The following ADGRA2 variants were observed in gnomAD, a reference collection of about 807,000 sequenced individuals.
ADGRA2 encodes adhesion G protein-coupled receptor A2.
ADGRA2 carries 61 observed loss-of-function variants against 98.7 expected under a neutral mutation model. That is an observed-to-expected ratio of 0.62 (90% CI 0.50 to 0.76). The LOEUF (loss-of-function observed/expected upper bound fraction) is 0.76, where lower values mean the gene tolerates loss of function less well. Among genes scored for constraint, ADGRA2 ranks in the 30% least tolerant of loss-of-function variants. The probability of loss-of-function intolerance (pLI) is 0.00; values close to 1 mark genes in which losing one functional copy is unlikely to be tolerated. For synonymous variants in ADGRA2, 858 were observed against 831.5 expected, an observed-to-expected ratio of 1.03 and a Z score of -0.55; for missense variants, 1,712 against 1,860.0, an observed-to-expected ratio of 0.92 and a Z score of 1.46.
chr8:37,818,753 G>A lies in ADGRA2; in HGVS notation c.338+3786G>A, dbSNP rs539648876. Among the ~76,000 whole-genome samples the A allele has an allele frequency of 5.7e-4, 87 of 152,348 alleles. 2 individuals carry two copies. In the South Asian group the frequency reaches 0.017, roughly 30 times the overall value. On this transcript the variant is annotated intron_variant, in intron 2 of 18. Coordinates refer to ENST00000412232, the MANE Select transcript of ADGRA2 (RefSeq NM_032777.10). ...GACCCAGAAAATAGCAAATAGGTGT[G>A]TGGTGTGTCTGGAGGCCTAAGTGCA...
intron 2 of ADGRA2, among the ~76,000 whole-genome samples, chr8:37,827,700 C>G (rs540334789): frequency 6.6e-6 from 1 of 152,320 alleles, no homozygotes; most frequent in African/African-American, 2.4e-5. Context: ...GCTTCCTCAT[C>G]TGAAGGAGGA....
chr8:37,805,818 G>A lies in ADGRA2; in HGVS notation c.266+8284G>A, dbSNP rs547392602. Among the ~76,000 whole-genome samples, 18 of 151,980 alleles carry A rather than the reference G, an allele frequency of 1.2e-4. No homozygotes were observed. In the East Asian group the frequency reaches 1.4e-3, roughly 11 times the overall value. The stretch of plus-strand genomic sequence containing the variant: ...CGGGAGGTGGAGGTTGCAGTGAGCC[G>A]AGATCGTACCACTGCACTCTAGCCT... On this transcript the variant is annotated intron_variant, in intron 1 of 18. Coordinates refer to ENST00000412232, the MANE Select transcript of ADGRA2 (RefSeq NM_032777.10).
chr8:37,838,740 G>A (rs1186547963), intron 14 of ADGRA2, among the ~76,000 whole-genome samples: 1 of 152,128 alleles, frequency 6.6e-6, no homozygotes, highest in Non-Finnish European at 1.5e-5. Context: ...AGAGTCCTCA[G>A]CAAAGCAGGA....
At chr8:37,829,161 A>C (rs564707864) in intron 3 of ADGRA2, 100 bp from the exon 4 acceptor site, 18 of 895,176 alleles carry the variant, frequency 2.0e-5, no homozygotes, top group East Asian at 1.3e-4. Flanking sequence ...TTTTCATCCC[A>C]CCCCCCAACA....
rs1805910583 is a variant in ADGRA2, at chr8:37,844,456, C to G, written c.*2101C>G. 1 of 1,600,142 alleles carries G rather than the reference C, an allele frequency of 6.2e-7. No homozygotes were observed. The highest frequency in any genetic ancestry group is 1.7e-5 in the Admixed American group (1 of 59,492). On this transcript the variant is annotated 3_prime_UTR_variant, in exon 19 of 19. Transcript: ENST00000412232. ...TATAACAGGAATGTTATCAAGCTGT[C>G]AGAACAGGATGAAGTGCTCCCAGTG... is the stretch of plus-strand genomic sequence containing the variant.
Position 37,841,902 on chromosome 8 carries a change from G to C in ADGRA2, c.3564G>C (p.Lys1188Asn), listed in dbSNP as rs1274100052. ...GTCGGGCGCACAAGAGCCGGGCCAA[G>C]GGACACCGCGCGGGGGAGGCCTGCG... ...HGRRAHKSRA[K>N]GHRAGEACGK... Residue 1188 changes from lysine to asparagine, a missense_variant, in exon 19 of 19, where the codon AAG (lysine) becomes AAC (asparagine). Coordinates refer to ENST00000412232, the MANE Select transcript of ADGRA2 (RefSeq NM_032777.10). This position sits in a 1 kb window ranked among gnomAD's most constrained non-coding sequence, Gnocchi z 5.0. 23 of 1,532,504 alleles carry C rather than the reference G, an allele frequency of 1.5e-5. No homozygotes were observed. Among genetic ancestry groups the C allele is most frequent in the Non-Finnish European group, 1.9e-5 (22 of 1,146,154 alleles). 94.9% of individuals were successfully genotyped at this position (1,532,504 alleles called of 1,614,324 possible). A position where few individuals can be genotyped will look rare whatever the true frequency, so the allele number is the denominator to read the frequency against.
At chr8:37,812,158 GT>G (rs1563340230) in intron 1 of ADGRA2, among the ~76,000 whole-genome samples, 279 of 133,418 alleles carry the variant, frequency 2.1e-3, no homozygotes, top group South Asian at 4.1e-3. Context: ...CAATGGTGTT[GT>G]TGTTGTTGTT....
chr8:37,815,033 A>G (rs1804937877), intron 2 of ADGRA2, 66 bp downstream of exon 2: 10 of 1,075,230 alleles, frequency 9.3e-6, no homozygotes, highest in Non-Finnish European at 1.4e-5. Flanking sequence ...CACCCCGGGG[A>G]GGAGGAGGAA....
Position 37,841,712 on chromosome 8 carries a change from G to C in ADGRA2, c.3374G>C (p.Ser1125Thr), listed in dbSNP as rs1805801103. 6.5e-7 allele frequency: 1 copy of C among 1,541,702 alleles called. No homozygotes were observed. The highest frequency in any genetic ancestry group is 1.2e-5 in the South Asian group (1 of 83,608). The change falls in exon 19 of 19, where the codon AGC (serine) becomes ACC (threonine). Residue 1125 changes from serine to threonine, a missense_variant. Ser to Thr is a moderately conservative substitution (Grantham distance 58). Coordinates refer to ENST00000412232, the MANE Select transcript of ADGRA2 (RefSeq NM_032777.10). This position sits in a 1 kb window ranked among gnomAD's most constrained non-coding sequence, Gnocchi z 5.0. ...CTCAAGTCCTCCCCAAGCGGCAGCA[G>C]CGGCCATCCGCTGGCTCTGGGCCCC... is the stretch of plus-strand genomic sequence containing the variant. Reference protein sequence around the residue: ...PSLKSSPSGSSGHPLALGPCK... With the variant: ...PSLKSSPSGSTGHPLALGPCK...
At chr8:37,829,659 T>C (rs576391653) in intron 5 of ADGRA2, 100 bp downstream of exon 5, 2 of 1,005,272 alleles carry the variant, frequency 2.0e-6, no homozygotes, top group South Asian at 2.6e-5. Context: ...GTCTCACGAG[T>C]GGCCACAGCA....
At position 37,833,825 on chromosome 8, in the gene ADGRA2, C is replaced by T. The variant is rs1484630915; in HGVS notation, c.1434C>T (p.Asp478=). ...QMIQKFLGYV[D]QIKELVEVMV... is the part of the protein sequence containing the mutation. ...TCCAGAAATTTTTGGGTTATGTCGA[C>T]CAGATCAAAGAGGTGAGACTCAGCT... is the stretch of plus-strand genomic sequence containing the variant. Residue 478 remains aspartate (D), a synonymous_variant, in exon 10 of 19, where the codon GAC becomes GAT. Transcript: ENST00000412232. The T allele has an allele frequency of 1.2e-6, 2 of 1,614,168 alleles. 1 individual carries two copies. Among genetic ancestry groups the T allele is most frequent in the South Asian group, 2.2e-5 (2 of 91,082 alleles).
intron 1 of ADGRA2, among the ~76,000 whole-genome samples, chr8:37,813,820 CT>C (rs1450605233): frequency 2.6e-5 from 4 of 152,242 alleles, no homozygotes; most frequent in African/African-American, 9.6e-5. Context: ...CCCACTGCCC[CT>C]GGTCTGTTCA....
rs756247860 is a variant in ADGRA2 at position 37,830,893 on chromosome 8, G to A, written c.902G>A (p.Ser301Asn). ...DEQAGILLAESLIHDCTFITS... is the reference protein window; with the variant it reads ...DEQAGILLAENLIHDCTFITS... ...CAGGCGGGCATCCTCCTGGCCGAGA[G>A]CCTCATCCACGACTGCACCTTCATC... Residue 301 changes from serine to asparagine, a missense_variant, in exon 7 of 19, where the codon AGC becomes AAC. Physicochemically the swap from Ser to Asn is conservative, Grantham distance 46. Coordinates refer to ENST00000412232, the MANE Select transcript of ADGRA2 (RefSeq NM_032777.10). This position sits in a 1 kb window ranked among gnomAD's most constrained non-coding sequence, Gnocchi z 4.8. 1.9e-6 allele frequency: 3 copies of A among 1,586,440 alleles called. No homozygotes were observed. Among genetic ancestry groups the A allele is most frequent in the Non-Finnish European group, 2.6e-6 (3 of 1,166,152 alleles).
intron 8 of ADGRA2, among the ~76,000 whole-genome samples, chr8:37,832,251 C>T (rs1252099193): frequency 2.6e-5 from 4 of 152,178 alleles, no homozygotes; most frequent in South Asian, 2.1e-4. Flanking sequence ...TAGGGTTTCA[C>T]CATGTTGGCC....
chr8:37,806,548 A>G (rs1454114328), intron 1 of ADGRA2, among the ~76,000 whole-genome samples: 2 of 57,140 alleles, frequency 3.5e-5, no homozygotes, highest in African/African-American at 1.9e-4. Context: ...TTTTTGAGAC[A>G]GAGTCGAGTC....
intron 13 of ADGRA2, 92 bp downstream of exon 13, chr8:37,835,862 C>G (rs1213552942): frequency 1.3e-6 from 1 of 780,196 alleles, no homozygotes; most frequent in African/African-American, 1.7e-5. Context: ...CCACAGCCCC[C>G]CAGTGCCGTA....
At chr8:37,798,736 G>A (rs1013021347) in intron 1 of ADGRA2, among the ~76,000 whole-genome samples, 11 of 152,382 alleles carry the variant, frequency 7.2e-5, no homozygotes, top group Non-Finnish European at 1.6e-4. Flanking sequence ...AACGCCTCTG[G>A]TTGGGTGAGT....
At position 37,837,966 on chromosome 8, in the gene ADGRA2, G is replaced by C. The variant is rs1029132288; in HGVS notation, c.2259+27G>C. 2.8e-6 allele frequency: 4 copies of C among 1,436,016 alleles called. No homozygotes were observed. In the African/African-American group the frequency reaches 4.3e-5, roughly 16 times the overall value. The allele number at this position is 1,436,016 out of a possible 1,614,324, so 89.0% of individuals were successfully genotyped here. A position where few individuals can be genotyped will look rare whatever the true frequency, so the allele number is the denominator to read the frequency against. ...TGGGTGTGAGGAGGGGTGACAAGTC[G>C]GGGGGGCAGGGACACGGGCTGGGTG... On this transcript the variant is annotated intron_variant, in intron 14 of 18. Coordinates refer to ENST00000412232, the MANE Select transcript of ADGRA2 (RefSeq NM_032777.10).
At position 37,843,974 on chromosome 8, in the gene ADGRA2, C is replaced by T. The variant is rs555726385; in HGVS notation, c.*1619C>T. 6.5e-6 allele frequency: 1 copy of T among 154,104 alleles called. No individual in the cohort carries two copies. Among genetic ancestry groups the T allele is most frequent in the African/African-American group, 2.4e-5 (1 of 41,566 alleles). The allele number at this position is 154,104 out of a possible 1,614,324, so 9.5% of individuals were successfully genotyped here. On this transcript the variant is annotated 3_prime_UTR_variant, in exon 19 of 19. Transcript: ENST00000412232. Reference sequence around the variant, plus strand: ...AAATTTTGCAAAGCCCTTTGAGCTACTGCCTTAGTCTACCCACTGTCCTTT... The same window carrying T: ...AAATTTTGCAAAGCCCTTTGAGCTATTGCCTTAGTCTACCCACTGTCCTTT...
Sources: allele counts gnomAD v4.1 joint callset (sites outside exome capture counted in the v4.1 genomes callset), GRCh38; gene constraint gnomAD v4.1.1; non-coding constraint Gnocchi (gnomAD v3.1); transcripts MANE v1.5; gene names NCBI Gene and HGNC (gene_info 2026-07-23, HGNC 2026-07-21).